Variants in SDHA observed in about 807,000 individuals in gnomAD.
SDHA encodes the protein succinate dehydrogenase complex flavoprotein subunit A.
Under a neutral mutation model 78.4 loss-of-function variants are expected in SDHA, and 48 were observed. That is an observed-to-expected ratio of 0.61 (90% confidence interval 0.49 to 0.78). The LOEUF is 0.78. Among genes scored for constraint, SDHA ranks in the 30% least tolerant of loss-of-function variants. The pLI, the probability that SDHA is intolerant of heterozygous loss-of-function variation, is 0.00. For synonymous variants in SDHA, 326 were observed against 353.9 expected (o/e 0.92, Z 0.88); for missense variants, 680 against 892.7 (o/e 0.76, Z 3.04).
chr5:264,656 A>G, the SDHA span, among the ~76,000 whole-genome samples: 3 of 152,234 alleles, frequency 2.0e-5, no homozygotes. Context: ...AGGCAGCATC[A>G]CAGGGTTCTG....
the SDHA span, among the ~76,000 whole-genome samples, chr5:266,437 T>C: frequency 6.6e-6 from 1 of 152,158 alleles, no homozygotes; most frequent in Middle Eastern, 3.4e-3. Context: ...TTCAGACCAT[T>C]TTCATGAGTA....
At chr5:227,933 A>G (rs1459282767) in intron 5 of SDHA, 8 of 476,090 alleles carry the variant, frequency 1.7e-5, no homozygotes, top group Non-Finnish European at 3.1e-5. Context: ...CGGGTTGTGT[A>G]GAAGTAGGAA....
At chr5:233,259 G>A (rs966993659) in intron 7 of SDHA, among the ~76,000 whole-genome samples, 4 of 152,140 alleles carry the variant, frequency 2.6e-5, no homozygotes, top group African/African-American at 9.7e-5. Context: ...TGGGGACACC[G>A]CTCTGCCCCA....
At chr5:246,416 A>G (rs541216567) in intron 11 of SDHA, among the ~76,000 whole-genome samples, 2 of 152,212 alleles carry the variant, frequency 1.3e-5, no homozygotes, top group African/African-American at 2.4e-5. Context: ...CCAAATCAAT[A>G]GAATCGATCC....
Position 235,019 on chromosome 5 carries a change from A to G in SDHA, c.1065-125A>G, listed in dbSNP as rs555712189. The G allele has an allele frequency of 4.8e-5, 44 of 921,692 alleles. 1 individual carries two copies. The Admixed American group carries it at 7.7e-4, about 16-fold the overall frequency. The allele number at this position is 921,692 out of a possible 1,614,324, so 57.1% of individuals were successfully genotyped here. On this transcript the variant is annotated intron_variant, in intron 8 of 14. Coordinates refer to ENST00000264932, the MANE Select transcript of SDHA (RefSeq NM_004168.4). ...AAAGATTTGATGAGAGGGTGACCAT[A>G]CATGAGGGGAAATTTTCCTCAGTAT...
the SDHA span, among the ~76,000 whole-genome samples, chr5:262,868 A>C: frequency 6.6e-6 from 1 of 152,158 alleles, no homozygotes; most frequent in African/African-American, 2.4e-5. Flanking sequence ...GCACCAACTT[A>C]ATATGATAAA....
chr5:244,424 G>C (rs1253524317), intron 11 of SDHA, among the ~76,000 whole-genome samples: 6 of 152,038 alleles, frequency 3.9e-5, no homozygotes, highest in Non-Finnish European at 8.8e-5. Context: ...GGAAAGCAGA[G>C]CCAGGAGAGT....
chr5:241,332 T>C (rs563398793), intron 11 of SDHA, among the ~76,000 whole-genome samples: 142 of 152,248 alleles, frequency 9.3e-4, no homozygotes, highest in African/African-American at 3.3e-3. Flanking sequence ...CACTGGTGCT[T>C]ACATCTCAGG....
downstream of SDHA, among the ~76,000 whole-genome samples, chr5:259,402 T>C (rs552419239): frequency 8.5e-5 from 5 of 58,744 alleles, no homozygotes; most frequent in Admixed American, 4.9e-4. Flanking sequence ...GAGCTCCGCC[T>C]CCCGTCACAG....
At chr5:223,854 A>G (rs1243191094) in intron 2 of SDHA, among the ~76,000 whole-genome samples, 2 of 152,218 alleles carry the variant, frequency 1.3e-5, no homozygotes, top group Non-Finnish European at 2.9e-5. Context: ...GTCTGCTGTG[A>G]TAGATGATAA....
chr5:252,562 A>G (rs1736910653), intron 13 of SDHA, among the ~76,000 whole-genome samples: 2 of 147,016 alleles, frequency 1.4e-5, no homozygotes, highest in South Asian at 4.4e-4. Context: ...AGGAAATGCC[A>G]GTTTAGTAAC....
chr5:224,706 C>T (rs1244989169), intron 3 of SDHA, 185 bp downstream of exon 3: 28 of 638,042 alleles, frequency 4.4e-5, no homozygotes, highest in South Asian at 2.0e-4. Flanking sequence ...CTTTGAAGGG[C>T]GGGAGACTTG....
intron 11 of SDHA, among the ~76,000 whole-genome samples, chr5:240,992 G>A (rs963061872): frequency 7.9e-5 from 12 of 152,040 alleles, no homozygotes; most frequent in African/African-American, 2.2e-4. Flanking sequence ...ACATAAGGCT[G>A]CACCAGTATC....
chr5:268,481 T>C, the SDHA span, among the ~76,000 whole-genome samples: 1 of 152,120 alleles, frequency 6.6e-6, no homozygotes, highest in Non-Finnish European at 1.5e-5. Flanking sequence ...GTTTTTTCTT[T>C]AAACCTTAAT....
intron 7 of SDHA, among the ~76,000 whole-genome samples, 158 bp downstream of exon 7, chr5:231,158 A>G (rs1444453914): frequency 6.6e-6 from 1 of 152,156 alleles, no homozygotes; most frequent in Non-Finnish European, 1.5e-5. Flanking sequence ...CATTTACCTA[A>G]GGAGACTTTT....
At chr5:220,943 G>T (rs1734680563) in intron 1 of SDHA, among the ~76,000 whole-genome samples, 2 of 151,574 alleles carry the variant, frequency 1.3e-5, no homozygotes, top group Non-Finnish European at 2.9e-5. Flanking sequence ...CTCCTGAGTA[G>T]CTGGGACTAC....
At chr5:257,815 T>C (rs1313531873), downstream of SDHA, among the ~76,000 whole-genome samples, 5 of 61,000 alleles carry the variant, frequency 8.2e-5, no homozygotes, top group Non-Finnish European at 1.2e-4. Flanking sequence ...AGAGCATTAC[T>C]GGGTGAGCTC....
At chr5:246,038 G>A (rs1056951608) in intron 11 of SDHA, among the ~76,000 whole-genome samples, 9 of 152,242 alleles carry the variant, frequency 5.9e-5, no homozygotes, top group African/African-American at 1.7e-4. Flanking sequence ...CTAAGGGAGT[G>A]CCTCAGCTGA....
chr5:251,644 C>T (rs1561011278), intron 13 of SDHA, 176 bp downstream of exon 13: 1 of 1,530,256 alleles, frequency 6.5e-7, no homozygotes, highest in South Asian at 1.2e-5. Flanking sequence ...TTCTGGATCA[C>T]TGTGACCTTT....
Sources: gnomAD v4.1 joint callset for allele counts (sites outside exome capture counted in the v4.1 genomes callset) on GRCh38, gnomAD v4.1.1 for gene constraint, MANE v1.5 for transcripts, NCBI Gene and HGNC (gene_info 2026-07-23, HGNC 2026-07-21) for gene names.